The following ZNF726 variants were observed in gnomAD, a reference collection of about 807,000 sequenced individuals.
The protein encoded by ZNF726 is zinc finger protein 92 pseudogene 3.
ZNF726 carries 15 observed loss-of-function variants against 11.6 expected under a neutral mutation model. The observed-to-expected ratio is 1.29, with a 90% CI of 0.86 to 1.99. ZNF726 has a LOEUF of 1.99. Ranked by LOEUF, ZNF726 falls within the 30% of genes most tolerant of loss-of-function variation. The pLI is 0.00. For missense variants in ZNF726, 890 were observed against 725.6 expected (o/e 1.23, Z -2.60); for synonymous variants, 295 against 243.6 (o/e 1.21, Z -1.96).
At chr19:23,938,648 C>T (rs1968287853), downstream of ZNF726, among the ~76,000 whole-genome samples, 1 of 145,166 alleles carries the variant, frequency 6.9e-6, no homozygotes, top group Non-Finnish European at 1.5e-5. Flanking sequence ...TGCTCTGTTG[C>T]CCAGACTGGA....
Position 23,933,432 on chromosome 19 carries a change from A to C in ZNF726, c.1316A>C (p.Asn439Thr), listed in dbSNP as rs749559946. The change falls in exon 4 of 4, where the codon AAC becomes ACC. Residue 439 changes from asparagine to threonine, a missense_variant. Transcript: ENST00000594466. ...GGCAAAGCGTTTATATGGTCCTCAA[A>C]CCTTACTGAACATAAGAAAATTCAT... ...ECGKAFIWSS[N>T]LTEHKKIHTR... The C allele has an allele frequency of 1.6e-5, 25 of 1,611,998 alleles. No individual in the cohort carries two copies. Among genetic ancestry groups the C allele is most frequent in the Non-Finnish European group, 2.1e-5 (25 of 1,179,496 alleles).
Position 23,919,467 on chromosome 19 carries a change from T to C in ZNF726, c.98T>C (p.Met33Thr), listed in dbSNP as rs1388632039. ...TAQKNLYRNV[M>T]LENYRNLAFL... ...CAGAAGAATTTATATAGGAATGTGA[T>C]GTTAGAGAACTACAGAAACCTGGCC... Residue 33 changes from methionine to threonine, a missense_variant, in exon 2 of 4, where the codon ATG becomes ACG. Physicochemically the swap from Met to Thr is moderately conservative, Grantham distance 81. Coordinates refer to ENST00000594466, the MANE Select transcript of ZNF726 (RefSeq NM_001244038.2). 6.2e-7 allele frequency: 1 copy of C among 1,606,106 alleles called. No homozygotes were observed. Among genetic ancestry groups the C allele is most frequent in the Non-Finnish European group, 8.5e-7 (1 of 1,175,956 alleles).
downstream of ZNF726, among the ~76,000 whole-genome samples, chr19:23,936,880 A>G (rs1968242003): frequency 6.6e-6 from 1 of 152,116 alleles, no homozygotes; most frequent in Non-Finnish European, 1.5e-5. Flanking sequence ...CACGGCAACC[A>G]TCCGATTTCT....
chr19:23,921,007 T>C (rs1478028470), intron 3 of ZNF726: 1 of 152,126 alleles, frequency 6.6e-6, no homozygotes, highest in African/African-American at 2.4e-5. Flanking sequence ...AGCCTTGAAA[T>C]ATAGTTTGGG....
At chr19:23,932,244 A>G (rs957319394) in intron 3 of ZNF726, 99 bp from the exon 4 acceptor site, 1 of 999,878 alleles carries the variant, frequency 1.0e-6, no homozygotes, top group Non-Finnish European at 1.3e-6. Context: ...TTGCAAAACC[A>G]TCTTGTTTTT....
chr19:23,923,402 G>C, intron 3 of ZNF726: 1 of 407,772 alleles, frequency 2.5e-6, no homozygotes, highest in African/African-American at 2.2e-5. Context: ...TACAATAGAT[G>C]CCAGTAATTT....
chr19:23,935,532 A>G, downstream of ZNF726: 3 of 366,462 alleles, frequency 8.2e-6, no homozygotes, highest in South Asian at 6.5e-5. Flanking sequence ...TTCATACTGA[A>G]GAGAAACTCT....
Position 23,925,560 on chromosome 19 carries a change from A to G in ZNF726, c.226+5478A>G, listed in dbSNP as rs748972484. 4.1e-4 allele frequency among the ~76,000 whole-genome samples: 63 copies of G among 152,126 alleles called. 1 individual carries two copies. In the Middle Eastern group the frequency reaches 0.027, roughly 66 times the overall value. On this transcript the variant is annotated intron_variant, in intron 3 of 3. Transcript: ENST00000594466. ...CAAAAAATTGATAGTGGCCATTTAA[A>G]TGAGTGTGAGGGGATTTTGTTTTTT...
chr19:23,919,409 T>C lies in ZNF726; in HGVS notation c.40T>C (p.Ser14Pro), dbSNP rs771410130. ...LTFRDVAIEF[S>P]LEEWQCLDTA... ...ATTTAGGGATGTGGCCATAGAATTC[T>C]CTCTGGAGGAGTGGCAGTGCCTGGA... The change falls in exon 2 of 4, where the codon TCT becomes CCT. Residue 14 changes from serine (S) to proline (P), a missense_variant. Ser to Pro is a moderately conservative substitution (Grantham distance 74, BLOSUM62 -1). Coordinates refer to ENST00000594466, the MANE Select transcript of ZNF726 (RefSeq NM_001244038.2). 42 of 1,608,052 alleles carry C rather than the reference T, an allele frequency of 2.6e-5. No homozygotes were observed. The highest frequency in any genetic ancestry group is 3.2e-5 in the Non-Finnish European group (38 of 1,176,398).
Position 23,932,915 on chromosome 19 carries a change from A to ATATG in ZNF726, c.799_800insTATG (p.Ser267IlefsTer11). 6.2e-7 allele frequency: 1 copy of ATATG among 1,610,548 alleles called. No individual in the cohort carries two copies. The highest frequency in any genetic ancestry group is 1.1e-5 in the South Asian group (1 of 90,858). ...GTGTGAAGAATGTGGCAAAGCATTT[A>ATATG]GCCAATCCTCAACACTAACCATACA... On this transcript the variant is annotated frameshift_variant, in exon 4 of 4. Coordinates refer to ENST00000594466, the MANE Select transcript of ZNF726 (RefSeq NM_001244038.2). LOFTEE classifies it low-confidence loss of function (END_TRUNC).
In ZNF726 at chr19:23,932,533, T is replaced by G; in HGVS notation, c.417T>G (p.Thr139=). 1 of 1,585,298 alleles carries G rather than the reference T, an allele frequency of 6.3e-7. No individual in the cohort carries two copies. Among genetic ancestry groups the G allele is most frequent in the Non-Finnish European group, 8.5e-7 (1 of 1,171,074 alleles). Reference sequence around the variant, plus strand: ...ATGGACTTAACCAGTGTTTCACAACTACCCAGGGCAAAGCTTCTCAATGTG... The same window carrying G: ...ATGGACTTAACCAGTGTTTCACAACGACCCAGGGCAAAGCTTCTCAATGTG... ...GYNGLNQCFT[T]TQGKASQCGK... Residue 139 remains threonine (T), a synonymous_variant, in exon 4 of 4, where the codon ACT becomes ACG. Coordinates refer to ENST00000594466, the MANE Select transcript of ZNF726 (RefSeq NM_001244038.2).
At chr19:23,936,738 A>T (rs901336718), downstream of ZNF726, among the ~76,000 whole-genome samples, 1 of 150,152 alleles carries the variant, frequency 6.7e-6, no homozygotes, top group Non-Finnish European at 1.5e-5. Flanking sequence ...TTTGATTTTT[A>T]TTTTTATTTT....
chr19:23,935,685 T>C (rs1472680323), downstream of ZNF726: 1 of 261,662 alleles, frequency 3.8e-6, no homozygotes, highest in African/African-American at 2.2e-5. Flanking sequence ...TGTAAGATCA[T>C]TTATACTGGA....
At chr19:23,916,671 C>G (rs777895338) in intron 1 of ZNF726, among the ~76,000 whole-genome samples, 5 of 152,096 alleles carry the variant, frequency 3.3e-5, no homozygotes, top group Admixed American at 1.3e-4. Flanking sequence ...GGCACATTTA[C>G]AATGATTTTT....
At chr19:23,941,410 T>TATC (rs1968336645) in intron 3 of ZNF726, among the ~76,000 whole-genome samples, 1 of 152,196 alleles carries the variant, frequency 6.6e-6, no homozygotes, top group South Asian at 2.1e-4. Flanking sequence ...TTAGCATCAA[T>TATC]GTTTGTCAAG....
At chr19:23,937,379 C>G (rs1051613496), downstream of ZNF726, among the ~76,000 whole-genome samples, 6 of 151,958 alleles carry the variant, frequency 3.9e-5, no homozygotes, top group Non-Finnish European at 7.4e-5. Flanking sequence ...GGGCTCCTCA[C>G]TTCTCAGACG....
Position 23,933,678 on chromosome 19 carries a change from C to G in ZNF726, c.1562C>G (p.Ser521Cys), listed in dbSNP as rs2041802001. ...CEECGKAFIL[S>C]STLSKHKRIH... Reference sequence around the variant, plus strand: ...GAATGTGGCAAAGCATTTATATTGTCCTCGACCCTATCTAAACATAAGAGG... The same window carrying G: ...GAATGTGGCAAAGCATTTATATTGTGCTCGACCCTATCTAAACATAAGAGG... The change falls in exon 4 of 4, where the codon TCC becomes TGC. Residue 521 changes from serine (S) to cysteine (C), a missense_variant. By Grantham distance (112) the Ser-to-Cys change is moderately radical (BLOSUM62 -1). Coordinates refer to ENST00000594466, the MANE Select transcript of ZNF726 (RefSeq NM_001244038.2). The G allele has an allele frequency of 1.2e-6, 2 of 1,612,044 alleles. No homozygotes were observed. The highest frequency in any genetic ancestry group is 1.7e-6 in the Non-Finnish European group (2 of 1,179,940).
At chr19:23,937,694 C>T (rs1262253674), downstream of ZNF726, among the ~76,000 whole-genome samples, 5 of 151,994 alleles carry the variant, frequency 3.3e-5, no homozygotes, top group African/African-American at 1.2e-4. Context: ...CCTCACATCC[C>T]AGACGATGGG....
At chr19:23,934,778 T>C (rs1295536094), downstream of ZNF726, among the ~76,000 whole-genome samples, 5 of 152,224 alleles carry the variant, frequency 3.3e-5, no homozygotes, top group African/African-American at 9.6e-5. Flanking sequence ...AGGCTCCCTC[T>C]CTCACAGAGT....
Sources: allele counts gnomAD v4.1 joint callset (sites outside exome capture counted in the v4.1 genomes callset), GRCh38; gene constraint gnomAD v4.1.1; transcripts MANE v1.5; gene names NCBI Gene and HGNC (gene_info 2026-07-23, HGNC 2026-07-21).